Variants in CDH1 observed in about 807,000 individuals in gnomAD.
CDH1 encodes the protein cadherin-1.
In CDH1, 35 loss-of-function variants were observed where a neutral mutation model predicts 84.5. That is an observed-to-expected ratio of 0.41 (90% CI 0.32 to 0.55). The LOEUF is 0.55. Among genes scored for constraint, CDH1 ranks in the 20% least tolerant of loss-of-function variants. The pLI is 0.19. For missense variants in CDH1, 994 were observed against 1,126.6 expected (o/e 0.88, Z 1.68); for synonymous variants, 417 against 439.0 (o/e 0.95, Z 0.63).
intron 2 of CDH1, among the ~76,000 whole-genome samples, chr16:68,743,469 G>A (rs1030391274): frequency 6.6e-6 from 1 of 151,888 alleles, no homozygotes; most frequent in Non-Finnish European, 1.5e-5. Flanking sequence ...ATGTTCAAGT[G>A]ATTCTCCAGC....
rs747442279 is a variant in CDH1, at chr16:68,829,958, TC to T, written c.2439+162del. Among the ~76,000 whole-genome samples the T allele has an allele frequency of 0.045, 5,586 of 123,626 alleles. 178 individuals are homozygous for T. The highest frequency in any genetic ancestry group is 0.13 in the African/African-American group (2,876 of 22,326). 81.1% of individuals were successfully genotyped at this position (123,626 alleles called of 152,430 possible). On this transcript the variant is annotated intron_variant, in intron 15 of 15. Transcript: ENST00000261769. The stretch of plus-strand genomic sequence containing the variant: ...TTTCCTTTTTCTTTTTTTTTCTTTT[TC>T]TTTTTTTTTTTTTTTGAGACGAAGT...
chr16:68,756,288 G>A (rs187627933), intron 2 of CDH1, among the ~76,000 whole-genome samples: 9 of 152,280 alleles, frequency 5.9e-5, no homozygotes, highest in African/African-American at 2.2e-4. Context: ...CAACTTGTTG[G>A]TGGGGAGAGT....
chr16:68,799,377 G>A (rs183512777), intron 2 of CDH1, among the ~76,000 whole-genome samples: 3 of 152,230 alleles, frequency 2.0e-5, no homozygotes, highest in Admixed American at 1.3e-4. Context: ...TCAGGTGGGC[G>A]ACTCTTTGAA....
intron 10 of CDH1, among the ~76,000 whole-genome samples, chr16:68,818,155 G>T (rs1567510033): frequency 6.7e-6 from 1 of 149,288 alleles, no homozygotes; most frequent in African/African-American, 2.5e-5. Context: ...CAGGAGAATG[G>T]CATGAACCTG....
intron 2 of CDH1, among the ~76,000 whole-genome samples, chr16:68,800,031 A>AT (rs1419168840): frequency 9.7e-5 from 13 of 134,418 alleles, no homozygotes; most frequent in African/African-American, 2.5e-4. Flanking sequence ...AGTAATAATA[A>AT]TTAAAAAAAA....
rs1960855816 is a variant in CDH1, at chr16:68,812,176, T to C, written c.1050T>C (p.Leu350=). 6.2e-7 allele frequency: 1 copy of C among 1,614,058 alleles called. No individual in the cohort carries two copies. The highest frequency in any genetic ancestry group is 1.1e-5 in the South Asian group (1 of 91,090). Residue 350 remains leucine (L), a synonymous_variant, in exon 8 of 16, where the codon CTT becomes CTC. Coordinates refer to ENST00000261769, the MANE Select transcript of CDH1 (RefSeq NM_004360.5). Reference sequence around the variant, plus strand: ...CCCTGGTGGTTCAAGCTGCTGACCTTCAAGGTGAGGGGTTAAGCACAACAG... The same window carrying C: ...CCCTGGTGGTTCAAGCTGCTGACCTCCAAGGTGAGGGGTTAAGCACAACAG... ...TYTLVVQAAD[L]QGEGLSTTAT... is the part of the protein sequence containing the mutation.
intron 2 of CDH1, among the ~76,000 whole-genome samples, chr16:68,766,061 C>A (rs750243009): frequency 1.3e-5 from 2 of 152,044 alleles, no homozygotes; most frequent in Non-Finnish European, 2.9e-5. Flanking sequence ...AGTTTGAGAC[C>A]AGCCTGGCCA....
At position 68,808,777 on chromosome 16, in the gene CDH1, A is replaced by G. The variant is rs1004655282; in HGVS notation, c.616A>G (p.Ile206Val). 5 of 1,614,126 alleles carry G rather than the reference A, an allele frequency of 3.1e-6. No individual in the cohort carries two copies. The highest frequency in any genetic ancestry group is 4.2e-6 in the Non-Finnish European group (5 of 1,180,002). Reference sequence around the variant, plus strand: ...TGACACACCCCCTGTTGGTGTCTTTATTATTGAAAGAGAAACAGGATGGCT... The same window carrying G: ...TGACACACCCCCTGTTGGTGTCTTTGTTATTGAAAGAGAAACAGGATGGCT... ...GADTPPVGVFIIERETGWLKV... is the reference protein window; with the variant it reads ...GADTPPVGVFVIERETGWLKV... The change falls in exon 5 of 16, where the codon ATT (isoleucine) becomes GTT (valine). Residue 206 changes from isoleucine (I) to valine (V), a missense_variant. By Grantham distance (29) the Ile-to-Val change is conservative. Transcript: ENST00000261769.
At chr16:68,778,500 G>A (rs911097299) in intron 2 of CDH1, among the ~76,000 whole-genome samples, 2 of 152,122 alleles carry the variant, frequency 1.3e-5, no homozygotes, top group Non-Finnish European at 2.9e-5. Context: ...AAACAATTGT[G>A]AGCCCCAGTG....
intron 2 of CDH1, among the ~76,000 whole-genome samples, chr16:68,755,899 G>T (rs183160824): frequency 1.1e-4 from 16 of 151,994 alleles, no homozygotes; most frequent in African/African-American, 3.9e-4. Context: ...GTGTAGCTGG[G>T]ATTACAGGCA....
intron 2 of CDH1, among the ~76,000 whole-genome samples, chr16:68,764,175 G>A (rs1959303895): frequency 6.6e-6 from 1 of 152,228 alleles, no homozygotes; most frequent in Non-Finnish European, 1.5e-5. Flanking sequence ...AGGGGTGTGT[G>A]TGTGATCAGT....
At chr16:68,776,453 ACATT>A (rs1055814356) in intron 2 of CDH1, among the ~76,000 whole-genome samples, 1 of 152,188 alleles carries the variant, frequency 6.6e-6, no homozygotes, top group Non-Finnish European at 1.5e-5. Flanking sequence ...ACAGTACCTG[ACATT>A]CAGCGGATTT....
intron 2 of CDH1, among the ~76,000 whole-genome samples, chr16:68,762,912 C>CAAAAAAAAAAAAAAAAAAAAA (rs55899466): frequency 1.6e-5 from 1 of 61,464 alleles, no homozygotes; most frequent in Non-Finnish European, 2.7e-5. Flanking sequence ...GATTCCGTCT[C>CAAAAAAAAAAAAAAAAAAAAA]AAAAAAAAAA....
chr16:68,818,713 G>C (rs925262186), intron 10 of CDH1, among the ~76,000 whole-genome samples: 1 of 151,058 alleles, frequency 6.6e-6, no homozygotes, highest in Non-Finnish European at 1.5e-5. Context: ...AGCCGGGCGT[G>C]ATGGCGGGCG....
At chr16:68,774,949 A>G (rs920091048) in intron 2 of CDH1, among the ~76,000 whole-genome samples, 2 of 152,154 alleles carry the variant, frequency 1.3e-5, no homozygotes, top group Non-Finnish European at 2.9e-5. Context: ...GGAAACTTAA[A>G]TACATAAAAG....
Position 68,834,069 on chromosome 16 carries a change from A to G in CDH1, c.*570A>G. On this transcript the variant is annotated 3_prime_UTR_variant, in exon 16 of 16. Transcript: ENST00000261769. ...CCTCCCAGGCTCAAGCTATCCTTGC[A>G]CCTCAGCCTCCCAAGTAGCTGGGAC... The G allele has an allele frequency of 2.7e-6, 1 of 376,020 alleles. No individual in the cohort carries two copies. The allele number at this position is 376,020 out of a possible 1,614,324, so 23.3% of individuals were successfully genotyped here.
intron 10 of CDH1, among the ~76,000 whole-genome samples, chr16:68,818,373 G>C (rs989887170): frequency 3.9e-5 from 6 of 151,982 alleles, no homozygotes; most frequent in Non-Finnish European, 7.4e-5. Context: ...TTTATTTGCA[G>C]ATGGTTCAGC....
intron 3 of CDH1, among the ~76,000 whole-genome samples, chr16:68,802,739 G>A (rs890587320): frequency 1.8e-4 from 27 of 152,148 alleles, no homozygotes; most frequent in African/African-American, 6.5e-4. Flanking sequence ...CCAAAGTGCT[G>A]GAATTACAGG....
At chr16:68,777,557 T>TTTTTTTG (rs1959765730) in intron 2 of CDH1, among the ~76,000 whole-genome samples, 1 of 145,288 alleles carries the variant, frequency 6.9e-6, no homozygotes, top group Non-Finnish European at 1.5e-5. Context: ...TTTTTTTTTT[T>TTTTTTTG]GAGAAGGGGG....
Sources: allele counts gnomAD v4.1 joint callset (sites outside exome capture counted in the v4.1 genomes callset), GRCh38; gene constraint gnomAD v4.1.1; transcripts MANE v1.5; gene names NCBI Gene and HGNC (gene_info 2026-07-23, HGNC 2026-07-21).